DLG2: variants seen among roughly 807,000 people sequenced by gnomAD.
The protein encoded by DLG2 is disks large homolog 2.
In DLG2, 45 loss-of-function variants were observed where a neutral mutation model predicts 132.5. That is an observed-to-expected ratio of 0.34 (90% CI 0.27 to 0.44). The LOEUF (loss-of-function observed/expected upper bound fraction) is 0.44. Among genes scored for constraint, DLG2 ranks in the 20% least tolerant of loss-of-function variants. DLG2 has a pLI of 1.00. For missense variants in DLG2, 1,045 were observed against 1,196.9 expected (o/e 0.87, Z 1.87); for synonymous variants, 424 against 419.6 (o/e 1.01, Z -0.13).
intron 7 of DLG2, among the ~76,000 whole-genome samples, chr11:84,462,024 C>T (rs1448709155): frequency 6.6e-6 from 1 of 150,908 alleles, no homozygotes; most frequent in Non-Finnish European, 1.5e-5. Flanking sequence ...GAAATGTCAT[C>T]AACGTTAAGT....
intron 19 of DLG2, among the ~76,000 whole-genome samples, chr11:83,624,229 C>T (rs547599294): frequency 1.8e-4 from 27 of 152,220 alleles, no homozygotes; most frequent in East Asian, 7.7e-4. Context: ...GGATTCTAGA[C>T]CTTGAAGTAG....
intron 7 of DLG2, among the ~76,000 whole-genome samples, chr11:84,276,859 G>A (rs2097787914): frequency 6.6e-6 from 1 of 152,158 alleles, no homozygotes; most frequent in South Asian, 2.1e-4. Context: ...GCCTGGATTT[G>A]CATTCCCACC....
chr11:85,544,242 T>C (rs1297975267), intron 3 of DLG2, among the ~76,000 whole-genome samples: 2 of 152,202 alleles, frequency 1.3e-5, no homozygotes, highest in Non-Finnish European at 2.9e-5. Flanking sequence ...ACTTATTAAA[T>C]AGGGAATCCT....
intron 19 of DLG2, among the ~76,000 whole-genome samples, chr11:83,615,443 GT>G (rs1430579470): frequency 6.6e-6 from 1 of 152,156 alleles, no homozygotes; most frequent in Non-Finnish European, 1.5e-5. Flanking sequence ...GTTCTTGAAT[GT>G]TATATAAATC....
intron 2 of DLG2, among the ~76,000 whole-genome samples, chr11:85,599,942 A>G (rs1031077655): frequency 6.6e-6 from 1 of 152,156 alleles, no homozygotes; most frequent in Non-Finnish European, 1.5e-5. Flanking sequence ...CTTCCCTTCC[A>G]ATCTATCACT....
chr11:84,334,652 T>G (rs943509201), intron 7 of DLG2, among the ~76,000 whole-genome samples: 4 of 152,240 alleles, frequency 2.6e-5, no homozygotes, highest in African/African-American at 9.6e-5. Flanking sequence ...TATAATCCAG[T>G]GCTTTGCCTT....
chr11:85,531,035 G>C (rs547268246), intron 3 of DLG2, among the ~76,000 whole-genome samples: 77 of 152,146 alleles, frequency 5.1e-4, no homozygotes, highest in African/African-American at 1.8e-3. Context: ...ATTAGACTGG[G>C]ATTTCTTAAA....
chr11:84,389,722 C>CT (rs2098785423), intron 7 of DLG2, among the ~76,000 whole-genome samples: 1 of 152,050 alleles, frequency 6.6e-6, no homozygotes, highest in Admixed American at 6.6e-5. Flanking sequence ...ATATTTGTCT[C>CT]TTTTGAACTG....
intron 6 of DLG2, among the ~76,000 whole-genome samples, chr11:85,028,989 T>C (rs913686741): frequency 6.6e-6 from 1 of 152,198 alleles, no homozygotes; most frequent in African/African-American, 2.4e-5. Flanking sequence ...TAATGTAATA[T>C]GAAAGTATCA....
chr11:83,869,708 G>A (rs540205030), intron 16 of DLG2, among the ~76,000 whole-genome samples: 3 of 152,306 alleles, frequency 2.0e-5, no homozygotes, highest in South Asian at 2.1e-4. Flanking sequence ...GGGTTAGTTA[G>A]ACAAACTATT....
intron 21 of DLG2, among the ~76,000 whole-genome samples, chr11:83,494,066 G>A (rs894655438): frequency 4.6e-5 from 7 of 152,010 alleles, no homozygotes; most frequent in African/African-American, 1.7e-4. Flanking sequence ...GAACTAAAGA[G>A]ACCTGATCTT....
chr11:84,536,174 T>C (rs2154521207), intron 6 of DLG2, among the ~76,000 whole-genome samples: 1 of 152,282 alleles, frequency 6.6e-6, no homozygotes, highest in Non-Finnish European at 1.5e-5. Flanking sequence ...AACTGCAGTT[T>C]CCAAAGAACT....
intron 18 of DLG2, among the ~76,000 whole-genome samples, chr11:83,724,280 A>G (rs1014268163): frequency 3.9e-5 from 6 of 152,162 alleles, no homozygotes; most frequent in African/African-American, 1.4e-4. Flanking sequence ...TTTCACACAC[A>G]TAAGCCTGGC....
rs182036617 is a variant in DLG2 at position 85,421,428 on chromosome 11, T to A, written c.41-136063A>T. On this transcript the variant is annotated intron_variant, in intron 3 of 27. Coordinates refer to ENST00000376104, the MANE Select transcript of DLG2 (RefSeq NM_001142699.3). ...GCCATCCATCCCTCCCCCTTTTTTT[T>A]TTTTAACTGCTGTTGCTTTGAAGTT... 1.8e-3 allele frequency among the ~76,000 whole-genome samples: 271 copies of A among 151,950 alleles called. 1 individual carries two copies. Among genetic ancestry groups the A allele is most frequent in the Non-Finnish European group, 3.0e-3 (203 of 67,952 alleles).
chr11:84,796,346 T>C (rs937261203), intron 6 of DLG2, among the ~76,000 whole-genome samples: 7 of 152,226 alleles, frequency 4.6e-5, no homozygotes, highest in Admixed American at 4.6e-4. Context: ...CTTACTGTAT[T>C]GTCTATGTCT....
At chr11:84,895,721 T>C (rs1293815438) in intron 6 of DLG2, among the ~76,000 whole-genome samples, 1 of 152,170 alleles carries the variant, frequency 6.6e-6, no homozygotes, top group African/African-American at 2.4e-5. Context: ...TGAGGCAATA[T>C]TTACTAGTTA....
intron 19 of DLG2, among the ~76,000 whole-genome samples, chr11:83,562,966 C>CTTTTTT (rs527949325): frequency 1.2e-5 from 1 of 81,368 alleles, no homozygotes; most frequent in Non-Finnish European, 2.2e-5. Context: ...TTCCCTAATT[C>CTTTTTT]TTTTTTTTTT....
At chr11:85,500,450 A>G (rs1240205321) in intron 3 of DLG2, among the ~76,000 whole-genome samples, 16 of 146,790 alleles carry the variant, frequency 1.1e-4, no homozygotes, top group African/African-American at 2.9e-4. Context: ...TAGATGACAC[A>G]TTAGTGGGTG....
chr11:84,167,437 T>C (rs2095693711), intron 8 of DLG2, among the ~76,000 whole-genome samples: 1 of 152,176 alleles, frequency 6.6e-6, no homozygotes. Flanking sequence ...TGGCCTTTTT[T>C]CTACTTCAAT....
Sources: allele counts gnomAD v4.1 joint callset (sites outside exome capture counted in the v4.1 genomes callset), GRCh38; gene constraint gnomAD v4.1.1; transcripts MANE v1.5; gene names NCBI Gene and HGNC (gene_info 2026-07-23, HGNC 2026-07-21).